The following MLLT3 variants were observed in gnomAD, a reference collection of about 807,000 sequenced individuals.
MLLT3 encodes the protein protein AF-9.
In MLLT3, 4 loss-of-function variants were observed where a neutral mutation model predicts 53.2. The observed-to-expected ratio is 0.08, with a 90% CI of 0.04 to 0.17. The LOEUF (loss-of-function observed/expected upper bound fraction) is 0.17. MLLT3 is among the 10% of genes least tolerant of loss of function. MLLT3 has a pLI of 1.00. For missense variants in MLLT3, 569 were observed against 684.0 expected, an observed-to-expected ratio of 0.83 and a Z score of 1.87; for synonymous variants, 283 against 230.6, an observed-to-expected ratio of 1.23 and a Z score of -2.06.
chr9:20,423,691 G>T (rs930736404), intron 4 of MLLT3, among the ~76,000 whole-genome samples: 1 of 151,662 alleles, frequency 6.6e-6, no homozygotes, highest in Non-Finnish European at 1.5e-5. Flanking sequence ...GCATGTGCCT[G>T]TAGTCCCAGC....
chr9:20,586,029 A>G (rs756744909), intron 2 of MLLT3, among the ~76,000 whole-genome samples: 1 of 152,190 alleles, frequency 6.6e-6, no homozygotes, highest in African/African-American at 2.4e-5. Flanking sequence ...TAAAGAGAAT[A>G]AATATAGGCC....
chr9:20,586,059 T>C (rs1819950636), intron 2 of MLLT3, among the ~76,000 whole-genome samples: 2 of 152,172 alleles, frequency 1.3e-5, no homozygotes, highest in South Asian at 4.1e-4. Context: ...CACTCACATC[T>C]GTAATCCTAG....
At chr9:20,358,766 C>G (rs1008248471) in intron 8 of MLLT3, among the ~76,000 whole-genome samples, 5 of 152,160 alleles carry the variant, frequency 3.3e-5, no homozygotes, top group African/African-American at 9.7e-5. Flanking sequence ...GCCCTACACT[C>G]CTGGCCCTGC....
intron 2 of MLLT3, among the ~76,000 whole-genome samples, chr9:20,581,098 G>A (rs767193106): frequency 2.0e-5 from 3 of 152,174 alleles, no homozygotes; most frequent in African/African-American, 7.2e-5. Flanking sequence ...TTCATTTATA[G>A]TTTAGGACTG....
intron 4 of MLLT3, among the ~76,000 whole-genome samples, chr9:20,434,173 A>T (rs1252102368): frequency 6.6e-6 from 1 of 152,076 alleles, no homozygotes; most frequent in African/African-American, 2.4e-5. Context: ...TCTGCAACAA[A>T]ACTGGAGTAG....
At chr9:20,539,701 A>G (rs1818577197) in intron 2 of MLLT3, among the ~76,000 whole-genome samples, 1 of 152,202 alleles carries the variant, frequency 6.6e-6, no homozygotes, top group African/African-American at 2.4e-5. Flanking sequence ...GGGTGGGGAC[A>G]CATAGCCAAA....
chr9:20,556,048 A>T (rs1380567466), intron 2 of MLLT3, among the ~76,000 whole-genome samples: 1 of 152,228 alleles, frequency 6.6e-6, no homozygotes, highest in Non-Finnish European at 1.5e-5. Context: ...TCTTACACAG[A>T]AAAGAAAAAG....
intron 5 of MLLT3, among the ~76,000 whole-genome samples, chr9:20,367,616 G>T (rs1286067285): frequency 6.6e-6 from 1 of 151,998 alleles, no homozygotes; most frequent in African/African-American, 2.4e-5. Flanking sequence ...CATATTTAAG[G>T]CTAAATTTAT....
chr9:20,477,773 T>A (rs374881717), intron 2 of MLLT3, among the ~76,000 whole-genome samples: 1 of 152,100 alleles, frequency 6.6e-6, no homozygotes, highest in Non-Finnish European at 1.5e-5. Context: ...CTAATCCCAA[T>A]GGTATGAGTT....
At chr9:20,432,335 G>A (rs934040767) in intron 4 of MLLT3, among the ~76,000 whole-genome samples, 1 of 152,102 alleles carries the variant, frequency 6.6e-6, no homozygotes, top group South Asian at 2.1e-4. Context: ...TCTACTGACA[G>A]GAGTTAAATG....
chr9:20,401,684 A>T (rs1242381143), intron 5 of MLLT3, among the ~76,000 whole-genome samples: 1 of 152,134 alleles, frequency 6.6e-6, no homozygotes, highest in Non-Finnish European at 1.5e-5. Context: ...TTTTTAATGA[A>T]CTTCCCTGTA....
At chr9:20,432,294 G>C (rs534563787) in intron 4 of MLLT3, among the ~76,000 whole-genome samples, 4 of 152,280 alleles carry the variant, frequency 2.6e-5, no homozygotes, top group Admixed American at 1.3e-4. Flanking sequence ...AATATTAAAA[G>C]AGACAGAGTT....
intron 4 of MLLT3, among the ~76,000 whole-genome samples, chr9:20,420,163 A>G (rs1372441402): frequency 6.6e-6 from 1 of 152,216 alleles, no homozygotes; most frequent in Non-Finnish European, 1.5e-5. Flanking sequence ...TGGAAAATGA[A>G]TATCAACTTG....
At chr9:20,504,235 G>C (rs1310573912) in intron 2 of MLLT3, among the ~76,000 whole-genome samples, 1 of 152,060 alleles carries the variant, frequency 6.6e-6, no homozygotes, top group Non-Finnish European at 1.5e-5. Context: ...AAAGATATCT[G>C]TACTTCCATT....
chr9:20,554,946 G>C (rs1587063964), intron 2 of MLLT3, among the ~76,000 whole-genome samples: 1 of 152,196 alleles, frequency 6.6e-6, no homozygotes. Flanking sequence ...CTAATGAACG[G>C]TGGAAAGAGA....
chr9:20,346,381 A>C lies in MLLT3; in HGVS notation c.*62T>G, dbSNP rs1820868727. The C allele has an allele frequency of 1.6e-6, 2 of 1,227,230 alleles. No homozygotes were observed. Among genetic ancestry groups the C allele is most frequent in the East Asian group, 6.0e-5 (2 of 33,490 alleles). The allele number at this position is 1,227,230 out of a possible 1,614,324, so 76.0% of individuals were successfully genotyped here. On this transcript the variant is annotated 3_prime_UTR_variant, in exon 11 of 11. Transcript: ENST00000380338. ...CAACAAGAACAAAAAATCACAACCA[A>C]AAAAAAAAAAAACCAAAAAAAAAAA... is the stretch of plus-strand genomic sequence containing the variant.
At chr9:20,560,051 C>A (rs1407451402) in intron 2 of MLLT3, among the ~76,000 whole-genome samples, 3 of 152,138 alleles carry the variant, frequency 2.0e-5, no homozygotes, top group African/African-American at 7.2e-5. Flanking sequence ...TAAACCTGTA[C>A]TTTTCAAGCA....
At chr9:20,599,455 G>GT (rs1820360800) in intron 2 of MLLT3, among the ~76,000 whole-genome samples, 1 of 77,890 alleles carries the variant, frequency 1.3e-5, no homozygotes, top group South Asian at 5.4e-4. Context: ...GTAACCAGAT[G>GT]TTTAAAAAAA....
chr9:20,493,972 C>T (rs1282939457), intron 2 of MLLT3, among the ~76,000 whole-genome samples: 2 of 152,066 alleles, frequency 1.3e-5, no homozygotes, highest in Non-Finnish European at 2.9e-5. Context: ...TTCTGGAACG[C>T]ACATTTCCAA....
Sources: allele counts gnomAD v4.1 joint callset (sites outside exome capture counted in the v4.1 genomes callset), GRCh38; gene constraint gnomAD v4.1.1; transcripts MANE v1.5; gene names NCBI Gene and HGNC (gene_info 2026-07-23, HGNC 2026-07-21).